Variants in ZNF211 observed in about 807,000 individuals in gnomAD.
The protein encoded by ZNF211 is zinc finger protein 211.
ZNF211 carries 18 observed loss-of-function variants against 12.1 expected under a neutral mutation model. That is an observed-to-expected ratio of 1.48 (90% CI 1.03 to 2.20). The LOEUF is 2.20. ZNF211 is among the 30% of genes most tolerant of loss of function. The pLI, the probability that ZNF211 is intolerant of heterozygous loss-of-function variation, is 0.00. For synonymous variants in ZNF211, 249 were observed against 246.0 expected, an observed-to-expected ratio of 1.01 and a Z score of -0.11; for missense variants, 677 against 703.1, an observed-to-expected ratio of 0.96 and a Z score of 0.42.
At chr19:57,639,394 A>ATTT (rs1982571045) in intron 3 of ZNF211, among the ~76,000 whole-genome samples, 1 of 11,808 alleles carries the variant, frequency 8.5e-5, no homozygotes, top group Non-Finnish European at 1.9e-4. Flanking sequence ...TTCCCTTGTC[A>ATTT]TTTCCTTTAT....
At chr19:57,639,858 G>T in intron 3 of ZNF211, 1 of 1,445,354 alleles carries the variant, frequency 6.9e-7, no homozygotes, top group Non-Finnish European at 9.1e-7. Context: ...TCTTTTTTGT[G>T]CCGTGTTGTT....
chr19:57,634,306 A>T (rs376432711), intron 2 of ZNF211: 3 of 486,322 alleles, frequency 6.2e-6, no homozygotes, highest in African/African-American at 5.9e-5. Flanking sequence ...AGCTTTTGGA[A>T]CTCCTTGGAG....
rs1275953130 is a variant in ZNF211, at chr19:57,642,565, A to G, written c.*384A>G. On this transcript the variant is annotated 3_prime_UTR_variant, in exon 4 of 4. Coordinates refer to ENST00000240731, the MANE Select transcript of ZNF211 (RefSeq NM_006385.5). ...GTCTTCCTCTCTGACAAGTTAGGGC[A>G]TGGACTTGACCCAGCTTTGTGCCAG... 1 of 173,832 alleles carries G rather than the reference A, an allele frequency of 5.8e-6. No homozygotes were observed. The highest frequency in any genetic ancestry group is 2.4e-5 in the African/African-American group (1 of 42,008). The allele number at this position is 173,832 out of a possible 1,614,324, so 10.8% of individuals were successfully genotyped here.
At chr19:57,639,767 A>G (rs1448520598) in intron 3 of ZNF211, 41 of 896,422 alleles carry the variant, frequency 4.6e-5, no homozygotes, top group Admixed American at 3.5e-4. Context: ...AATAGTTACC[A>G]TGGGGATTAC....
At chr19:57,634,556 A>C (rs1378973303) in intron 2 of ZNF211, 73 bp from the exon 3 acceptor site, 39 of 1,445,554 alleles carry the variant, frequency 2.7e-5, no homozygotes, top group Non-Finnish European at 3.4e-5. Context: ...TGGGAGGAGA[A>C]TGTATGGGGA....
rs1164769836 is a variant in ZNF211, at chr19:57,641,236, C to T, written c.789C>T (p.Ile263=). 7.4e-6 allele frequency: 12 copies of T among 1,614,084 alleles called. No individual in the cohort carries two copies. The highest frequency in any genetic ancestry group is 3.3e-4 in the Middle Eastern group (2 of 6,084). The change falls in exon 4 of 4, where the codon ATC becomes ATT. Residue 263 remains isoleucine, a synonymous_variant. Transcript: ENST00000240731. ...ACACACTTGTTCAGGACCAGAGAATCCTCACTAGAGAAGGACTTTTTGAGT... is the reference window on the plus strand; with the variant it reads ...ACACACTTGTTCAGGACCAGAGAATTCTCACTAGAGAAGGACTTTTTGAGT... ...HIDTLVQDQR[I]LTREGLFECS...
At chr19:57,636,768 G>T (rs147272162) in intron 3 of ZNF211, among the ~76,000 whole-genome samples, 170 of 152,232 alleles carry the variant, frequency 1.1e-3, no homozygotes, top group African/African-American at 3.3e-3. Flanking sequence ...GATTTTGATA[G>T]GTATCGCACT....
rs1375372489 is a variant in ZNF211, at chr19:57,642,638, T to C, written c.*457T>C. 1 of 157,080 alleles carries C rather than the reference T, an allele frequency of 6.4e-6. No homozygotes were observed. Among genetic ancestry groups the C allele is most frequent in the Non-Finnish European group, 1.4e-5 (1 of 71,322 alleles). 9.7% of individuals were successfully genotyped at this position (157,080 alleles called of 1,614,324 possible). A position where few individuals can be genotyped will look rare whatever the true frequency, so the allele number is the denominator to read the frequency against. ...GGCAGCTTGCCAAGAAGGACTGTCT[T>C]TTTCAAGACATACTGGTTTCATGTG... On this transcript the variant is annotated 3_prime_UTR_variant, in exon 4 of 4. Transcript: ENST00000240731.
At position 57,641,742 on chromosome 19, in the gene ZNF211, A is replaced by T. The variant is rs1380710800; in HGVS notation, c.1295A>T (p.His432Leu). 1 of 1,614,066 alleles carries T rather than the reference A, an allele frequency of 6.2e-7. No homozygotes were observed. Among genetic ancestry groups the T allele is most frequent in the Non-Finnish European group, 8.5e-7 (1 of 1,180,040 alleles). ...SSSLIHHRRL[H>L]TGERPYECSK... Reference sequence around the variant, plus strand: ...AGCCTCATTCACCACCGGAGACTTCACACTGGAGAAAGACCCTATGAGTGC... The same window carrying T: ...AGCCTCATTCACCACCGGAGACTTCTCACTGGAGAAAGACCCTATGAGTGC... The change falls in exon 4 of 4, where the codon CAC becomes CTC. Residue 432 changes from histidine (H) to leucine (L), a missense_variant. Coordinates refer to ENST00000240731, the MANE Select transcript of ZNF211 (RefSeq NM_006385.5).
chr19:57,633,180 G>A lies in ZNF211; in HGVS notation c.-167G>A, dbSNP rs10420575. ...CCCCGCCCCCCCCAGGGCGGGACTT[G>A]TGGCGTCTTCGCAGCGGTCATTTTG... On this transcript the variant is annotated 5_prime_UTR_variant, in exon 1 of 4. The change creates a new upstream start codon in the 5' untranslated region. Transcript: ENST00000240731. 2 of 614,722 alleles carry A rather than the reference G, an allele frequency of 3.3e-6. No homozygotes were observed. Among genetic ancestry groups the A allele is most frequent in the Admixed American group, 3.7e-5 (1 of 27,356 alleles). 38.1% of individuals were successfully genotyped at this position (614,722 alleles called of 1,614,324 possible).
chr19:57,637,963 A>G (rs1206863728), intron 3 of ZNF211, among the ~76,000 whole-genome samples: 1 of 139,142 alleles, frequency 7.2e-6, no homozygotes, highest in Non-Finnish European at 1.5e-5. Context: ...CAGTGGTGTG[A>G]TCTTGGCTCA....
chr19:57,642,002 G>C lies in ZNF211; in HGVS notation c.1555G>C (p.Glu519Gln). 1 of 1,614,192 alleles carries C rather than the reference G, an allele frequency of 6.2e-7. No individual in the cohort carries two copies. Among genetic ancestry groups the C allele is most frequent in the Non-Finnish European group, 8.5e-7 (1 of 1,180,034 alleles). Residue 519 changes from glutamate to glutamine, a missense_variant, in exon 4 of 4, where the codon GAA becomes CAA. Physicochemically the swap from Glu to Gln is conservative, Grantham distance 29. Transcript: ENST00000240731. ...LIKHLRVHTG[E>Q]RPYECSECGK... ...TAAACACCTGAGAGTTCACACTGGA[G>C]AAAGGCCTTATGAGTGCAGTGAATG...
At position 57,642,240 on chromosome 19, in the gene ZNF211, G is replaced by A; in HGVS notation, c.*59G>A. ...AATTATACTGAAGGAGTACACCTGT[G>A]AGAGAGACAAGTACCTGATTTGGAA... On this transcript the variant is annotated 3_prime_UTR_variant, in exon 4 of 4. Coordinates refer to ENST00000240731, the MANE Select transcript of ZNF211 (RefSeq NM_006385.5). 1 of 1,507,486 alleles carries A rather than the reference G, an allele frequency of 6.6e-7. No individual in the cohort carries two copies. Among genetic ancestry groups the A allele is most frequent in the Non-Finnish European group, 8.9e-7 (1 of 1,127,128 alleles). The allele number at this position is 1,507,486 out of a possible 1,614,324, so 93.4% of individuals were successfully genotyped here. A position where few individuals can be genotyped will look rare whatever the true frequency, so the allele number is the denominator to read the frequency against.
In ZNF211 at chr19:57,642,135, C is replaced by A. The variant is rs368695093; in HGVS notation, c.1688C>A (p.Ser563Tyr). ...SQCGKSFGCK[S>Y]VLIQHQRVHI... is the part of the protein sequence containing the mutation. Reference sequence around the variant, plus strand: ...TGTGGGAAATCCTTTGGCTGCAAATCTGTCCTCATTCAACACCAGAGAGTT... The same window carrying A: ...TGTGGGAAATCCTTTGGCTGCAAATATGTCCTCATTCAACACCAGAGAGTT... Residue 563 changes from serine to tyrosine, a missense_variant, in exon 4 of 4, where the codon TCT (serine) becomes TAT (tyrosine). Physicochemically the swap from Ser to Tyr is moderately radical, Grantham distance 144 (BLOSUM62 -2). Transcript: ENST00000240731. The A allele has an allele frequency of 1.4e-5, 22 of 1,613,600 alleles. No individual in the cohort carries two copies. The highest frequency in any genetic ancestry group is 2.2e-5 in the East Asian group (1 of 44,890).
intron 3 of ZNF211, among the ~76,000 whole-genome samples, chr19:57,637,119 C>A (rs1306242599): frequency 1.3e-5 from 2 of 152,098 alleles, no homozygotes; most frequent in Non-Finnish European, 2.9e-5. Context: ...CCATGTATAT[C>A]ATCTGTGAGC....
intron 3 of ZNF211, among the ~76,000 whole-genome samples, chr19:57,636,722 A>G (rs73064521): frequency 6.6e-6 from 1 of 152,118 alleles, no homozygotes; most frequent in South Asian, 2.1e-4. Context: ...GAATTTTAGG[A>G]TGGATTTTTT....
chr19:57,640,558 G>A, intron 3 of ZNF211, 146 bp from the exon 4 acceptor site: 1 of 1,006,782 alleles, frequency 9.9e-7, no homozygotes, highest in Non-Finnish European at 1.4e-6. Context: ...CACAACAGCT[G>A]CTTCCTCAAC....
chr19:57,637,154 C>A (rs577660810), intron 3 of ZNF211, among the ~76,000 whole-genome samples: 11 of 152,000 alleles, frequency 7.2e-5, no homozygotes, highest in African/African-American at 2.7e-4. Flanking sequence ...TCCTCCTTTC[C>A]CATTTTGGTC....
intron 2 of ZNF211, 45 bp from the exon 3 acceptor site, chr19:57,634,584 C>G: frequency 6.7e-7 from 1 of 1,486,518 alleles, no homozygotes; most frequent in Non-Finnish European, 9.0e-7. Context: ...TTTGAGTCTT[C>G]CAAATTGAGA....
Sources: gnomAD v4.1 joint callset for allele counts (sites outside exome capture counted in the v4.1 genomes callset) on GRCh38, gnomAD v4.1.1 for gene constraint, MANE v1.5 for transcripts, NCBI Gene and HGNC (gene_info 2026-07-23, HGNC 2026-07-21) for gene names.